Variants in IMPG1 observed in about 807,000 individuals in gnomAD.
IMPG1 encodes interphotoreceptor matrix proteoglycan of 150 kDa.
A neutral mutation model predicts 92.0 loss-of-function variants in IMPG1; 85 were observed. The ratio of observed to expected loss-of-function variants is 0.92; its 90% CI spans 0.78 to 1.11. IMPG1 has a LOEUF of 1.11. Among genes scored for constraint, IMPG1 ranks in the 50% least tolerant of loss-of-function variants. IMPG1 has a pLI of 0.00. For synonymous variants in IMPG1, 367 were observed against 334.1 expected (o/e 1.10, Z -1.08); for missense variants, 1,022 against 956.0 (o/e 1.07, Z -0.91).
intron 15 of IMPG1, among the ~76,000 whole-genome samples, chr6:75,924,269 A>G (rs1396730865): frequency 1.3e-5 from 2 of 149,170 alleles, no homozygotes; most frequent in Non-Finnish European, 3.0e-5. Context: ...TGAAATCAGT[A>G]TATCAAAGAG....
At chr6:76,007,397 TA>T in intron 9 of IMPG1, 82 bp downstream of exon 9, 1 of 1,022,148 alleles carries the variant, frequency 9.8e-7, no homozygotes, top group Non-Finnish European at 1.5e-6. Context: ...ACATTATATG[TA>T]AAAATTATTT....
At chr6:76,054,159 A>G (rs1209286715) in intron 1 of IMPG1, among the ~76,000 whole-genome samples, 1 of 152,120 alleles carries the variant, frequency 6.6e-6, no homozygotes, top group African/African-American at 2.4e-5. Context: ...CCAACACTAT[A>G]GTTTTTGATT....
chr6:76,021,958 GA>G (rs1222009281), intron 6 of IMPG1, among the ~76,000 whole-genome samples, 157 bp downstream of exon 6: 1 of 151,284 alleles, frequency 6.6e-6, no homozygotes, highest in Non-Finnish European at 1.5e-5. Context: ...GAAGAAGTGA[GA>G]ATAAAGAATA....
At chr6:76,007,360 C>A in intron 9 of IMPG1, 120 bp downstream of exon 9, 3 of 657,868 alleles carry the variant, frequency 4.6e-6, no homozygotes, top group South Asian at 2.4e-5. Context: ...AATAAGAAAC[C>A]ATCAAAAAGT....
rs529626184 is a variant in IMPG1, at chr6:75,995,742, C to T, written c.1291+7176G>A. Among the ~76,000 whole-genome samples the T allele has an allele frequency of 2.0e-5, 3 of 152,340 alleles. No homozygotes were observed. The South Asian group carries it at 6.2e-4, about 32-fold the overall frequency. On this transcript the variant is annotated intron_variant, in intron 12 of 16. Coordinates refer to ENST00000369950, the MANE Select transcript of IMPG1 (RefSeq NM_001563.4). ...ATTGGCTGTTAAGCATTTACTAGCA[C>T]ATCACTGACGAGCTTCAGTGGTCAC...
At chr6:76,063,289 G>A (rs1000540930) in intron 1 of IMPG1, among the ~76,000 whole-genome samples, 1 of 151,968 alleles carries the variant, frequency 6.6e-6, no homozygotes, top group African/African-American at 2.4e-5. Context: ...CAAAGTTACA[G>A]TTGAATGATT....
rs532147473 is a variant in IMPG1 at position 75,929,744 on chromosome 6, T to A, written c.2243+1209A>T. On this transcript the variant is annotated intron_variant, in intron 15 of 16. Transcript: ENST00000369950. ...AGAAAAACGGGAAATAAAATAAAAT[T>A]AAAGTAAATTAAAAAAAAAAGGGTT... Among the ~76,000 whole-genome samples, 136 of 151,536 alleles carry A rather than the reference T, an allele frequency of 9.0e-4. 1 individual carries two copies. Among genetic ancestry groups the A allele is most frequent in the South Asian group, 3.7e-3 (18 of 4,802 alleles).
intron 2 of IMPG1, among the ~76,000 whole-genome samples, chr6:76,035,181 T>C (rs576652779): frequency 2.6e-5 from 4 of 151,594 alleles, no homozygotes; most frequent in South Asian, 4.2e-4. Flanking sequence ...CAGAGCAAGG[T>C]TGAGAGTAAT....
intron 15 of IMPG1, among the ~76,000 whole-genome samples, chr6:75,924,698 T>C (rs1451452917): frequency 2.1e-3 from 1 of 486 alleles, no homozygotes; most frequent in South Asian, 0.045. Flanking sequence ...ATATAAATAA[T>C]TATATATAAT....
chr6:76,071,516 T>C (rs760677677), intron 1 of IMPG1, among the ~76,000 whole-genome samples: 3 of 151,952 alleles, frequency 2.0e-5, no homozygotes, highest in African/African-American at 4.8e-5. Flanking sequence ...TCCCTCCAAA[T>C]GCAATCACTG....
intron 1 of IMPG1, 128 bp downstream of exon 1, chr6:76,072,294 T>C (rs1784413756): frequency 1.9e-6 from 1 of 518,848 alleles, no homozygotes; most frequent in Non-Finnish European, 3.4e-6. Flanking sequence ...AATCAAGCAA[T>C]ATTTATTCAA....
At position 76,034,774 on chromosome 6, in the gene IMPG1, T is replaced by A; in HGVS notation, c.315A>T (p.Ala105=). The stretch of plus-strand genomic sequence containing the variant: ...GAAAGATCCGATATGCTTCCCATAC[T>A]GCTTCCTGACACACTGTAATACAGA... ...AYYRLRVCQE[A]VWEAYRIFLD... is the part of the protein sequence containing the mutation. The change falls in exon 3 of 17, where the codon GCA becomes GCT. Residue 105 remains alanine (A), a synonymous_variant. Coordinates refer to ENST00000369950, the MANE Select transcript of IMPG1 (RefSeq NM_001563.4). 1.2e-6 allele frequency: 2 copies of A among 1,614,078 alleles called. No homozygotes were observed. The highest frequency in any genetic ancestry group is 1.7e-6 in the Non-Finnish European group (2 of 1,179,970).
chr6:75,922,248 G>T (rs1005038207), intron 16 of IMPG1, 82 bp from the exon 17 acceptor site: 2 of 633,670 alleles, frequency 3.2e-6, no homozygotes, highest in Non-Finnish European at 5.7e-6. Flanking sequence ...ACTGCCACTG[G>T]TAGATAAGAG....
At chr6:76,059,135 T>A (rs1386703167) in intron 1 of IMPG1, among the ~76,000 whole-genome samples, 1 of 152,082 alleles carries the variant, frequency 6.6e-6, no homozygotes, top group Non-Finnish European at 1.5e-5. Context: ...GAATCTTATA[T>A]CTCCAGAGGC....
intron 4 of IMPG1, among the ~76,000 whole-genome samples, chr6:76,032,949 G>C (rs1783675736): frequency 6.6e-6 from 1 of 152,178 alleles, no homozygotes; most frequent in South Asian, 2.1e-4. Context: ...CTCAGTGAAA[G>C]TTCTAGCAAG....
intron 1 of IMPG1, among the ~76,000 whole-genome samples, chr6:76,058,323 G>T (rs1784153506): frequency 6.6e-6 from 1 of 152,128 alleles, no homozygotes; most frequent in Non-Finnish European, 1.5e-5. Context: ...TTCAAATGAA[G>T]TCAAATGACT....
chr6:76,012,913 G>C (rs1285353720), intron 7 of IMPG1, among the ~76,000 whole-genome samples: 2 of 152,068 alleles, frequency 1.3e-5, no homozygotes, highest in Non-Finnish European at 2.9e-5. Context: ...ATTCTAGAAA[G>C]CGCAGCATCC....
chr6:75,997,559 T>C (rs1050440483), intron 12 of IMPG1, among the ~76,000 whole-genome samples: 3 of 152,136 alleles, frequency 2.0e-5, no homozygotes, highest in African/African-American at 7.2e-5. Context: ...CACTCTTATT[T>C]TGATGAAAGT....
At chr6:75,929,536 CAG>C (rs1781627033) in intron 15 of IMPG1, among the ~76,000 whole-genome samples, 3 of 113,760 alleles carry the variant, frequency 2.6e-5, no homozygotes, top group South Asian at 5.6e-4. Flanking sequence ...ACATCACACA[CAG>C]GGGACTGTTG....
Sources: gnomAD v4.1 joint callset for allele counts (sites outside exome capture counted in the v4.1 genomes callset) on GRCh38, gnomAD v4.1.1 for gene constraint, MANE v1.5 for transcripts, NCBI Gene and HGNC (gene_info 2026-07-23, HGNC 2026-07-21) for gene names.